Variants in DOCK1 observed in about 807,000 individuals in gnomAD.
DOCK1 encodes the protein dedicator of cytokinesis 1, also known as dedicator of cytokinesis protein 1.
In DOCK1, 138 loss-of-function variants were observed where a neutral mutation model predicts 262.7. That is an observed-to-expected ratio of 0.53 (90% CI 0.46 to 0.61). The LOEUF (loss-of-function observed/expected upper bound fraction) is 0.61, where lower values mean the gene tolerates loss of function less well. Ranked by LOEUF, DOCK1 falls within the 20% of genes least tolerant of loss-of-function variation. DOCK1 has a pLI of 0.00. For synonymous variants in DOCK1, 866 were observed against 867.4 expected (o/e 1.00, Z 0.03); for missense variants, 1,908 against 2,370.7 (o/e 0.80, Z 4.05).
chr10:127,054,019 C>T (rs1234992647), intron 22 of DOCK1, among the ~76,000 whole-genome samples: 1 of 152,118 alleles, frequency 6.6e-6, no homozygotes, highest in Non-Finnish European at 1.5e-5. Flanking sequence ...TCTGAATTAG[C>T]GAATACATTT....
At chr10:127,381,660 G>A (rs924194382) in intron 37 of DOCK1, among the ~76,000 whole-genome samples, 3 of 152,144 alleles carry the variant, frequency 2.0e-5, no homozygotes, top group African/African-American at 7.2e-5. Flanking sequence ...ACAATTCCTT[G>A]TTCAGGACTA....
intron 27 of DOCK1, among the ~76,000 whole-genome samples, chr10:127,173,471 G>A (rs990481823): frequency 6.6e-6 from 1 of 152,114 alleles, no homozygotes; most frequent in Non-Finnish European, 1.5e-5. Flanking sequence ...CCCATATATC[G>A]TACGGTTTTC....
At chr10:126,941,367 A>G (rs2134251395) in intron 1 of DOCK1, among the ~76,000 whole-genome samples, 2 of 151,474 alleles carry the variant, frequency 1.3e-5, no homozygotes, top group East Asian at 3.9e-4. Context: ...TTCTGATGAA[A>G]TATTTCATTT....
intron 2 of DOCK1, among the ~76,000 whole-genome samples, chr10:126,973,448 A>AC (rs1346011270): frequency 6.6e-6 from 1 of 152,142 alleles, no homozygotes; most frequent in East Asian, 1.9e-4. Flanking sequence ...GGTCCTTGTA[A>AC]TACGTGTAAC....
rs200475584 is a variant in DOCK1 at position 127,249,461 on chromosome 10, ACG to A, written c.2949+1354_2949+1355del. On this transcript the variant is annotated intron_variant, in intron 28 of 51. Coordinates refer to ENST00000623213, the MANE Select transcript of DOCK1 (RefSeq NM_001290223.2). Reference sequence around the variant, plus strand: ...CACACACACACACACACACACACACACGCAGTCGTGTGTTGCTTAACAATTCT... The same window carrying A: ...CACACACACACACACACACACACACACAGTCGTGTGTTGCTTAACAATTCT... 9.6e-3 allele frequency among the ~76,000 whole-genome samples: 1,395 copies of A among 144,838 alleles called. 22 individuals carry two copies. The highest frequency in any genetic ancestry group is 0.031 in the African/African-American group (1,218 of 39,730).
intron 27 of DOCK1, among the ~76,000 whole-genome samples, chr10:127,167,991 T>C (rs1021298036): frequency 2.0e-5 from 3 of 152,194 alleles, no homozygotes; most frequent in African/African-American, 7.2e-5. Flanking sequence ...GCCTGAGGAC[T>C]GAGACCCTCT....
chr10:127,439,891 G>A (rs1298715322), intron 49 of DOCK1, among the ~76,000 whole-genome samples: 4 of 152,076 alleles, frequency 2.6e-5, no homozygotes, highest in East Asian at 1.9e-4. Context: ...CCCAGGAGCC[G>A]GCTCTCATCC....
intron 29 of DOCK1, among the ~76,000 whole-genome samples, chr10:127,280,401 C>T (rs1333245806): frequency 6.6e-6 from 1 of 152,074 alleles, no homozygotes; most frequent in Non-Finnish European, 1.5e-5. Flanking sequence ...TGGTAGTGAA[C>T]ATTTTTTAAG....
At chr10:127,029,003 A>C (rs1227742237) in intron 16 of DOCK1, among the ~76,000 whole-genome samples, 2 of 152,248 alleles carry the variant, frequency 1.3e-5, no homozygotes, top group African/African-American at 4.8e-5. Context: ...GTCTTTTAAC[A>C]AGCTCATTCT....
At chr10:127,309,422 T>C (rs1296364214) in intron 29 of DOCK1, among the ~76,000 whole-genome samples, 1 of 152,128 alleles carries the variant, frequency 6.6e-6, no homozygotes, top group Non-Finnish European at 1.5e-5. Context: ...TCTTTTGCTG[T>C]GCAGAAGCTC....
chr10:127,374,314 C>A, intron 35 of DOCK1, 100 bp downstream of exon 35: 1 of 1,390,634 alleles, frequency 7.2e-7, no homozygotes, highest in Non-Finnish European at 9.5e-7. Context: ...AGCCACGAAG[C>A]TTTCCACCGC....
intron 27 of DOCK1, among the ~76,000 whole-genome samples, chr10:127,246,592 G>C (rs540092007): frequency 2.0e-5 from 3 of 152,282 alleles, no homozygotes; most frequent in Admixed American, 2.0e-4. Context: ...CTAAATCTCA[G>C]CAATTATCAT....
At chr10:127,209,895 C>T (rs953552799) in intron 27 of DOCK1, among the ~76,000 whole-genome samples, 6 of 152,108 alleles carry the variant, frequency 3.9e-5, no homozygotes, top group Admixed American at 2.6e-4. Context: ...AGAGACATTC[C>T]GTTGAGAGCC....
chr10:127,106,951 C>G (rs2048564460), intron 24 of DOCK1, among the ~76,000 whole-genome samples: 1 of 152,026 alleles, frequency 6.6e-6, no homozygotes, highest in East Asian at 1.9e-4. Context: ...ATGGGATACA[C>G]AGCCTTTTTA....
intron 16 of DOCK1, among the ~76,000 whole-genome samples, chr10:127,029,906 A>C (rs9418713): frequency 0.18 from 27,657 of 152,040 alleles, 2,743 homozygotes; most frequent in Middle Eastern, 0.27. Context: ...CTTAGGAGGA[A>C]CTGTTCTGTT....
At chr10:127,403,447 G>A (rs2067338183) in intron 39 of DOCK1, among the ~76,000 whole-genome samples, 1 of 152,206 alleles carries the variant, frequency 6.6e-6, no homozygotes, top group South Asian at 2.1e-4. Context: ...AGGAGTCTGT[G>A]AACATTTGTA....
At chr10:126,906,513 C>A (rs1247086675) in intron 1 of DOCK1, among the ~76,000 whole-genome samples, 2 of 152,180 alleles carry the variant, frequency 1.3e-5, no homozygotes, top group Non-Finnish European at 2.9e-5. Context: ...GCTTGCTATT[C>A]CCCGTCCCAC....
chr10:126,932,694 G>T (rs1012428801), intron 1 of DOCK1, among the ~76,000 whole-genome samples: 2 of 152,154 alleles, frequency 1.3e-5, no homozygotes, highest in African/African-American at 4.8e-5. Flanking sequence ...GGGGTGGACC[G>T]TCGCTGAAGT....
intron 27 of DOCK1, among the ~76,000 whole-genome samples, chr10:127,223,714 C>G (rs539976346): frequency 3.3e-5 from 5 of 152,262 alleles, no homozygotes; most frequent in African/African-American, 9.6e-5. Context: ...CAAGTGAAAG[C>G]TACAGATGAG....
Sources: allele counts gnomAD v4.1 joint callset (sites outside exome capture counted in the v4.1 genomes callset), GRCh38; gene constraint gnomAD v4.1.1; transcripts MANE v1.5; gene names NCBI Gene and HGNC (gene_info 2026-07-23, HGNC 2026-07-21).